Variants in ELP4 observed in about 807,000 individuals in gnomAD.
ELP4 encodes the protein elongator acetyltransferase complex subunit 4, also known as elongator complex protein 4.
A neutral mutation model predicts 48.9 loss-of-function variants in ELP4; 51 were observed. The ratio of observed to expected loss-of-function variants is 1.04; its 90% CI spans 0.83 to 1.32. ELP4 has a LOEUF of 1.32. ELP4 is among the 40% of genes most tolerant of loss of function. The pLI, the probability that ELP4 is intolerant of heterozygous loss-of-function variation, is 0.00. For missense variants in ELP4, 519 were observed against 514.6 expected, an observed-to-expected ratio of 1.01 and a Z score of -0.08; for synonymous variants, 210 against 189.2, an observed-to-expected ratio of 1.11 and a Z score of -0.90.
rs558426984 is a variant in ELP4 at position 31,672,747 on chromosome 11, C to T, written c.1143+22526C>T. Among the ~76,000 whole-genome samples the T allele has an allele frequency of 5.2e-4, 79 of 152,068 alleles. 1 individual carries two copies. The highest frequency in any genetic ancestry group is 4.8e-3 in the Admixed American group (73 of 15,290). ...AAGGCTATGGTGAGCCATGATTGTG[C>T]CACTGCACTCCAGCCTGGGTGACAG... On this transcript the variant is annotated intron_variant, in intron 9 of 9. Coordinates refer to ENST00000640961, the MANE Select transcript of ELP4 (RefSeq NM_019040.5).
intron 9 of ELP4, among the ~76,000 whole-genome samples, chr11:31,709,440 G>C (rs1946696516): frequency 6.6e-6 from 1 of 152,078 alleles, no homozygotes; most frequent in African/African-American, 2.4e-5. Flanking sequence ...CTCACTATCA[G>C]GGAATTGTTA....
chr11:31,619,653 G>A (rs1944573591), intron 5 of ELP4, among the ~76,000 whole-genome samples: 1 of 137,022 alleles, frequency 7.3e-6, no homozygotes, highest in Non-Finnish European at 1.6e-5. Context: ...TTTCACCTCT[G>A]TTTTTTATTG....
intron 4 of ELP4, among the ~76,000 whole-genome samples, chr11:31,601,153 T>G (rs1203951955): frequency 6.6e-6 from 1 of 152,100 alleles, no homozygotes; most frequent in Non-Finnish European, 1.5e-5. Flanking sequence ...TAGATGATAA[T>G]TATTTTATTT....
intron 2 of ELP4, among the ~76,000 whole-genome samples, chr11:31,536,249 T>A (rs1340543512): frequency 6.6e-6 from 1 of 152,186 alleles, no homozygotes; most frequent in East Asian, 1.9e-4. Flanking sequence ...TGCAGACATA[T>A]ATTTTCAACT....
At chr11:31,542,179 G>A (rs1368785766) in intron 3 of ELP4, among the ~76,000 whole-genome samples, 2 of 152,108 alleles carry the variant, frequency 1.3e-5, no homozygotes, top group South Asian at 4.1e-4. Context: ...AACAAAGAAG[G>A]CAAACCCTGT....
Position 31,630,115 on chromosome 11 carries a change from C to A in ELP4, c.739-2102C>A, listed in dbSNP as rs377374149. ...TAGGGTGTCTTAGGTGGTTGTCTAT[C>A]ATAACTTTAACACAATCATTTAAAA... On this transcript the variant is annotated intron_variant, in intron 6 of 9. Transcript: ENST00000640961. 7.6e-4 allele frequency among the ~76,000 whole-genome samples: 115 copies of A among 151,518 alleles called. 2 individuals are homozygous for A. The highest frequency in any genetic ancestry group is 2.2e-4 in the African/African-American group (9 of 41,302).
chr11:31,627,082 G>A lies in ELP4; in HGVS notation c.654-28G>A, dbSNP rs779646291. ...ACTTCTTATGTAATAACCCATTTATGTATTTGAACCACTTCTTTTACCAAC... is the reference window on the plus strand; with the variant it reads ...ACTTCTTATGTAATAACCCATTTATATATTTGAACCACTTCTTTTACCAAC... On this transcript the variant is annotated intron_variant, in intron 5 of 9. Transcript: ENST00000640961. 4.4e-6 allele frequency: 6 copies of A among 1,379,266 alleles called. No homozygotes were observed. The South Asian group carries it at 4.8e-5, about 11-fold the overall frequency. The allele number at this position is 1,379,266 out of a possible 1,614,324, so 85.4% of individuals were successfully genotyped here. A position where few individuals can be genotyped will look rare whatever the true frequency, so the allele number is the denominator to read the frequency against.
chr11:31,689,970 G>A (rs1946242132), intron 9 of ELP4, among the ~76,000 whole-genome samples: 1 of 152,102 alleles, frequency 6.6e-6, no homozygotes, highest in Non-Finnish European at 1.5e-5. Flanking sequence ...ATATACCAGG[G>A]AAATGTTGGT....
chr11:31,570,878 C>A (rs550388348), intron 3 of ELP4, among the ~76,000 whole-genome samples: 1 of 146,224 alleles, frequency 6.8e-6, no homozygotes, highest in Non-Finnish European at 1.5e-5. Context: ...CGGCTCACTG[C>A]AACCTCCACT....
At chr11:31,615,314 C>T (rs995668459) in intron 5 of ELP4, among the ~76,000 whole-genome samples, 6 of 151,930 alleles carry the variant, frequency 3.9e-5, no homozygotes, top group South Asian at 2.1e-4. Flanking sequence ...AAAAGGTTAA[C>T]GTTAAGAGGA....
At chr11:31,777,966 T>G (rs1948284669) in intron 9 of ELP4, among the ~76,000 whole-genome samples, 1 of 152,200 alleles carries the variant, frequency 6.6e-6, no homozygotes, top group African/African-American at 2.4e-5. Context: ...GAGTATATCA[T>G]CCTGCAGTGA....
At chr11:31,654,547 A>G (rs1403877729) in intron 9 of ELP4, 4 of 151,842 alleles carry the variant, frequency 2.6e-5, no homozygotes, top group Non-Finnish European at 4.4e-5. Context: ...ACTAGAATAG[A>G]ATCAATATAA....
At position 31,668,441 on chromosome 11, in the gene ELP4, T is replaced by A. The variant is rs1945725228; in HGVS notation, c.1143+18220T>A. On this transcript the variant is annotated intron_variant, in intron 9 of 9. Transcript: ENST00000640961. Reference sequence around the variant, plus strand: ...ATTGGCAACACTCAAGTCATTTGTTTCATACATCACAAAGGAATAATTATT... The same window carrying A: ...ATTGGCAACACTCAAGTCATTTGTTACATACATCACAAAGGAATAATTATT... Among the ~76,000 whole-genome samples the A allele has an allele frequency of 1.3e-5, 2 of 152,072 alleles. 1 individual carries two copies. The highest frequency in any genetic ancestry group is 4.1e-4 in the South Asian group (2 of 4,830).
intron 3 of ELP4, among the ~76,000 whole-genome samples, chr11:31,545,228 A>C (rs1956678269): frequency 6.6e-6 from 1 of 152,180 alleles, no homozygotes; most frequent in Non-Finnish European, 1.5e-5. Context: ...AGAAGTTAAA[A>C]ACTTTGAAAA....
chr11:31,641,042 T>A (rs1042348084), intron 7 of ELP4, among the ~76,000 whole-genome samples: 1 of 151,988 alleles, frequency 6.6e-6, no homozygotes, highest in South Asian at 2.1e-4. Flanking sequence ...CTAAATGTTT[T>A]TGCTGCAGCT....
At chr11:31,652,734 CAG>C (rs1438105802) in intron 9 of ELP4, 1 of 151,692 alleles carries the variant, frequency 6.6e-6, no homozygotes, top group African/African-American at 2.4e-5. Flanking sequence ...GGCAGTGAAT[CAG>C]AGTCTCACTT....
intron 2 of ELP4, among the ~76,000 whole-genome samples, chr11:31,525,485 G>A (rs1956282381): frequency 6.6e-6 from 1 of 152,158 alleles, no homozygotes; most frequent in South Asian, 2.1e-4. Context: ...TTGAATCAAA[G>A]TATGGGTAGA....
intron 2 of ELP4, among the ~76,000 whole-genome samples, chr11:31,539,093 T>C (rs1346503944): frequency 6.6e-6 from 1 of 152,358 alleles, no homozygotes; most frequent in East Asian, 1.9e-4. Flanking sequence ...TGTATGTATG[T>C]GCAGGGGGTA....
chr11:31,612,788 G>A (rs1048300164), intron 5 of ELP4, among the ~76,000 whole-genome samples: 1 of 152,148 alleles, frequency 6.6e-6, no homozygotes, highest in African/African-American at 2.4e-5. Flanking sequence ...TAAGGAAAAT[G>A]TCCAGGAGCT....
Sources: gnomAD v4.1 joint callset for allele counts (sites outside exome capture counted in the v4.1 genomes callset) on GRCh38, gnomAD v4.1.1 for gene constraint, MANE v1.5 for transcripts, NCBI Gene and HGNC (gene_info 2026-07-23, HGNC 2026-07-21) for gene names.